The following MDN1 variants were observed in gnomAD, a reference collection of about 807,000 sequenced individuals.
The protein encoded by MDN1 is midasin AAA ATPase 1, also known as midasin.
Under a neutral mutation model 669.2 loss-of-function variants are expected in MDN1, and 266 were observed. The observed-to-expected ratio is 0.40, with a 90% CI of 0.36 to 0.44. MDN1 has a LOEUF of 0.44. Among genes scored for constraint, MDN1 ranks in the 20% least tolerant of loss-of-function variants. The probability of loss-of-function intolerance (pLI) is 1.00; values close to 1 mark genes in which losing one functional copy is unlikely to be tolerated. For missense variants in MDN1, 5,940 were observed against 6,754.0 expected, an observed-to-expected ratio of 0.88 and a Z score of 4.22; for synonymous variants, 2,385 against 2,457.1, an observed-to-expected ratio of 0.97 and a Z score of 0.87.
At position 89,662,294 on chromosome 6, in the gene MDN1, C is replaced by T. The variant is rs550269098; in HGVS notation, c.14413-55G>A. The T allele has an allele frequency of 5.1e-5, 80 of 1,555,326 alleles. No individual in the cohort carries two copies. The East Asian group carries it at 1.6e-3, about 30-fold the overall frequency. On this transcript the variant is annotated intron_variant, in intron 86 of 101. Coordinates refer to ENST00000369393, the MANE Select transcript of MDN1 (RefSeq NM_014611.3). ...TCACACTCAATCCAAGAAACTGCTT[C>T]TGCATGGGTTGACTTTTAGACATGC...
chr6:89,739,164 T>C (rs763988252), intron 32 of MDN1, among the ~76,000 whole-genome samples: 7 of 152,326 alleles, frequency 4.6e-5, no homozygotes, highest in Non-Finnish European at 7.4e-5. Context: ...ATCAGTATCA[T>C]AGACAACCAG....
intron 7 of MDN1, among the ~76,000 whole-genome samples, chr6:89,788,719 G>A (rs981051713): frequency 1.3e-5 from 2 of 152,144 alleles, no homozygotes; most frequent in Non-Finnish European, 2.9e-5. Flanking sequence ...ATTTGGAAAG[G>A]AGCTAGACTA....
At chr6:89,674,636 A>G in intron 78 of MDN1, 47 bp from the exon 79 acceptor site, 1 of 1,493,616 alleles carries the variant, frequency 6.7e-7, no homozygotes, top group Non-Finnish European at 8.9e-7. Context: ...GGCACCTTAA[A>G]CCACTTTACC....
chr6:89,794,234 C>A, intron 3 of MDN1, 27 bp from the exon 4 acceptor site: 3 of 1,283,270 alleles, frequency 2.3e-6, no homozygotes, highest in South Asian at 2.6e-5. Context: ...TATGTAAATT[C>A]AGTTTATCTG....
chr6:89,685,155 T>C (rs928041517), intron 70 of MDN1, among the ~76,000 whole-genome samples, 170 bp from the exon 71 acceptor site: 8 of 152,134 alleles, frequency 5.3e-5, no homozygotes, highest in Admixed American at 5.2e-4. Flanking sequence ...AGTTTAGCAT[T>C]TCCCAGAGAT....
chr6:89,690,194 T>C lies in MDN1; in HGVS notation c.10750-51A>G, dbSNP rs538731038. 106 of 1,560,312 alleles carry C rather than the reference T, an allele frequency of 6.8e-5. 2 individuals are homozygous for C. In the South Asian group the frequency reaches 1.2e-3, roughly 18 times the overall value. ...ACTTTTAAAAATCAGAATCTACTTC[T>C]AATCAGACTAAAAGGAAGAAAGAAA... On this transcript the variant is annotated intron_variant, in intron 64 of 101. Transcript: ENST00000369393.
intron 97 of MDN1, among the ~76,000 whole-genome samples, 158 bp from the exon 98 acceptor site, chr6:89,648,487 A>G (rs964888051): frequency 3.9e-5 from 6 of 152,152 alleles, no homozygotes; most frequent in African/African-American, 1.2e-4. Flanking sequence ...AACAAACCCA[A>G]AGGCTTTGGT....
rs570769018 is a variant in MDN1 at position 89,803,499 on chromosome 6, A to G, written c.158T>C (p.Leu53Ser). The change falls in exon 2 of 102, where the codon TTG (leucine) becomes TCG (serine). Residue 53 changes from leucine (L) to serine (S), a missense_variant. Leu to Ser is a moderately radical substitution (Grantham distance 145, BLOSUM62 -2). Coordinates refer to ENST00000369393, the MANE Select transcript of MDN1 (RefSeq NM_014611.3). ...AACCAGCACAGTACAGTCCTTATCCAAAAGCAACTGTGCTAAGGTACTCAG... is the reference window on the plus strand; with the variant it reads ...AACCAGCACAGTACAGTCCTTATCCGAAAGCAACTGTGCTAAGGTACTCAG... ...CVLSTLAQLLLDKDCTVLVGR... is the reference protein window; with the variant it reads ...CVLSTLAQLLSDKDCTVLVGR... The G allele has an allele frequency of 6.2e-7, 1 of 1,614,154 alleles. No homozygotes were observed. Among genetic ancestry groups the G allele is most frequent in the African/African-American group, 1.3e-5 (1 of 75,060 alleles).
chr6:89,775,143 AAG>A (rs753638655), intron 12 of MDN1, among the ~76,000 whole-genome samples: 28 of 152,214 alleles, frequency 1.8e-4, no homozygotes, highest in South Asian at 1.0e-3. Context: ...CCAAAGCAAA[AAG>A]AGCTGTGGCA....
chr6:89,782,145 TA>T, intron 9 of MDN1, among the ~76,000 whole-genome samples: 1 of 152,270 alleles, frequency 6.6e-6, no homozygotes. Flanking sequence ...CCATCTACAA[TA>T]CAGTTTCAGC....
At position 89,761,673 on chromosome 6, in the gene MDN1, T is replaced by G. The variant is rs116676252; in HGVS notation, c.2432A>C (p.Glu811Ala). The G allele has an allele frequency of 2.6e-3, 4,223 of 1,611,936 alleles. 88 individuals are homozygous for G. The African/African-American group carries it at 0.045, about 17-fold the overall frequency. Residue 811 changes from glutamate (E) to alanine (A), a missense_variant, in exon 17 of 102, where the codon GAA becomes GCA. Coordinates refer to ENST00000369393, the MANE Select transcript of MDN1 (RefSeq NM_014611.3). ...TACAAATGCGAACAATAAGGTATTT[T>G]CAGTCATTTTCATCTGTTGTTGGGC... ...NHAQQQMKMT[E>A]NTLLFAFVEG...
chr6:89,674,369 G>A lies in MDN1; in HGVS notation c.12982C>T (p.Gln4328Ter). The A allele has an allele frequency of 6.2e-7, 1 of 1,614,204 alleles. No homozygotes were observed. The highest frequency in any genetic ancestry group is 8.5e-7 in the Non-Finnish European group (1 of 1,180,028). The change falls in exon 79 of 102, where the codon CAG becomes TAG. Residue 4328 changes from glutamine to a stop codon, truncating the protein, a stop_gained. Coordinates refer to ENST00000369393, the MANE Select transcript of MDN1 (RefSeq NM_014611.3). LOFTEE classifies it high-confidence loss of function. The stretch of plus-strand genomic sequence containing the variant: ...CCTTCCAGGCAGGGGCCAGGAGGCT[G>A]CCCCAGTACCTGGACATTGCCATGG... Reference protein sequence around the residue: ...PGHGNVQVLGQPPGPCLEGPE... With the variant: ...PGHGNVQVLG
chr6:89,722,784 T>A (rs895435160), intron 40 of MDN1, among the ~76,000 whole-genome samples, 171 bp downstream of exon 40: 1 of 147,870 alleles, frequency 6.8e-6, no homozygotes, highest in Non-Finnish European at 1.5e-5. Flanking sequence ...GAGGTGAAGC[T>A]GCAGCAAGCC....
At chr6:89,793,706 C>A in intron 5 of MDN1, 56 bp downstream of exon 5, 1 of 1,440,988 alleles carries the variant, frequency 6.9e-7, no homozygotes. Context: ...AAAGACAGAG[C>A]ACACTCAGTG....
intron 20 of MDN1, among the ~76,000 whole-genome samples, chr6:89,755,998 A>C (rs1817225467): frequency 6.6e-6 from 1 of 152,208 alleles, no homozygotes; most frequent in South Asian, 2.1e-4. Flanking sequence ...CCAAGAATTC[A>C]AACCCTCAGC....
intron 83 of MDN1, among the ~76,000 whole-genome samples, chr6:89,670,162 ATATATATATTTTTTT>A (rs1279123314): frequency 0.036 from 804 of 22,232 alleles, 8 homozygotes; most frequent in African/African-American, 0.11. Flanking sequence ...ATATATATAT[ATATATATATTTTTTT>A]TTTTTTTTTT....
At chr6:89,818,161 T>C (rs1332910239) in intron 1 of MDN1, among the ~76,000 whole-genome samples, 1 of 146,748 alleles carries the variant, frequency 6.8e-6, no homozygotes, top group East Asian at 2.1e-4. Flanking sequence ...CTACTAAAAA[T>C]ACAAAATATT....
rs1808750618 is a variant in MDN1, at chr6:89,650,157, A to G, written c.16073T>C (p.Val5358Ala). The G allele has an allele frequency of 5.0e-6, 8 of 1,614,018 alleles. No individual in the cohort carries two copies. Among genetic ancestry groups the G allele is most frequent in the Non-Finnish European group, 6.8e-6 (8 of 1,180,014 alleles). The change falls in exon 97 of 102, where the codon GTC becomes GCC. Residue 5358 changes from valine to alanine, a missense_variant. Physicochemically the swap from Val to Ala is moderately conservative, Grantham distance 64. Coordinates refer to ENST00000369393, the MANE Select transcript of MDN1 (RefSeq NM_014611.3). Reference protein sequence around the residue: ...RTGKRLNIRKVIPYIASQFRK... With the variant: ...RTGKRLNIRKAIPYIASQFRK... ...AAATTGACTAGCAATGTATGGAATG[A>G]CTTTCCGTATGTTTAGTCGTTTCCC...
intron 31 of MDN1, among the ~76,000 whole-genome samples, chr6:89,740,629 A>G (rs960861321): frequency 6.6e-6 from 1 of 152,236 alleles, no homozygotes; most frequent in African/African-American, 2.4e-5. Flanking sequence ...AAAAATGAAT[A>G]ACTTACAAGA....
Sources: gnomAD v4.1 joint callset for allele counts (sites outside exome capture counted in the v4.1 genomes callset) on GRCh38, gnomAD v4.1.1 for gene constraint, MANE v1.5 for transcripts, NCBI Gene and HGNC (gene_info 2026-07-23, HGNC 2026-07-21) for gene names.